The following RASEF variants were observed in gnomAD, a reference collection of about 807,000 sequenced individuals.
RASEF encodes RAS and EF-hand domain containing, also known as ras and EF-hand domain-containing protein.
A neutral mutation model predicts 90.1 loss-of-function variants in RASEF; 68 were observed. That is an observed-to-expected ratio of 0.75 (90% confidence interval 0.62 to 0.92). RASEF has a LOEUF of 0.92. Ranked by LOEUF, RASEF falls within the 40% of genes least tolerant of loss-of-function variation. The pLI is 0.00. For missense variants in RASEF, 949 were observed against 937.2 expected (o/e 1.01, Z -0.16); for synonymous variants, 331 against 345.2 (o/e 0.96, Z 0.46).
Position 83,025,631 on chromosome 9 carries a change from T to G in RASEF, c.578+144A>C, listed in dbSNP as rs564444323. 1.8e-5 allele frequency: 12 copies of G among 669,072 alleles called. No homozygotes were observed. In the East Asian group the frequency reaches 3.5e-4, roughly 20 times the overall value. The allele number at this position is 669,072 out of a possible 1,614,324, so 41.4% of individuals were successfully genotyped here. On this transcript the variant is annotated intron_variant, in intron 2 of 16. Transcript: ENST00000376447. The stretch of plus-strand genomic sequence containing the variant: ...GCTGACCTACTTCTCCATTGCTGGC[T>G]TAATTTTGAAAGCTCTAGACTCCTC...
chr9:83,185,353 CT>C, the RASEF span, among the ~76,000 whole-genome samples: 93 of 143,014 alleles, frequency 6.5e-4, no homozygotes, highest in Admixed American at 1.9e-3. Context: ...TTCTTTCTTT[CT>C]TTTTTTTTTT....
intron 15 of RASEF, among the ~76,000 whole-genome samples, chr9:82,992,631 G>A (rs1026665797): frequency 6.6e-6 from 1 of 152,168 alleles, no homozygotes; most frequent in African/African-American, 2.4e-5. Flanking sequence ...AGAGGGAGGA[G>A]GAAGATGATG....
the RASEF span, among the ~76,000 whole-genome samples, chr9:83,126,023 A>G: frequency 6.6e-6 from 1 of 152,206 alleles, no homozygotes; most frequent in African/African-American, 2.4e-5. Context: ...GTGGAACTGG[A>G]TTTATCCTGG....
intron 1 of RASEF, among the ~76,000 whole-genome samples, chr9:83,059,269 T>TACACAC (rs59546421): frequency 0.054 from 6,949 of 129,026 alleles, 267 homozygotes; most frequent in African/African-American, 0.081. Flanking sequence ...AAATGCTCAA[T>TACACAC]ACACACACAC....
intron 7 of RASEF, among the ~76,000 whole-genome samples, chr9:83,006,815 C>T (rs1302732649): frequency 3.9e-5 from 6 of 152,102 alleles, no homozygotes; most frequent in African/African-American, 9.7e-5. Context: ...GGGTACGGGC[C>T]GGGCGTGGTG....
intron 6 of RASEF, among the ~76,000 whole-genome samples, chr9:83,008,357 AT>A (rs918473383): frequency 4.0e-5 from 6 of 150,684 alleles, no homozygotes; most frequent in East Asian, 2.0e-4. Context: ...AAACTTTTTA[AT>A]TTTTTTTTTA....
chr9:83,210,216 CAG>C, the RASEF span, among the ~76,000 whole-genome samples: 1 of 152,134 alleles, frequency 6.6e-6, no homozygotes, highest in Non-Finnish European at 1.5e-5. Flanking sequence ...CAAGGAAAAT[CAG>C]AGATCATGAC....
chr9:83,066,932 G>A (rs1182929193), upstream of RASEF, among the ~76,000 whole-genome samples: 1 of 152,168 alleles, frequency 6.6e-6, no homozygotes, highest in Admixed American at 6.5e-5. Context: ...AAACATACTT[G>A]AGGAGACCTC....
At chr9:83,133,491 T>C in the RASEF span, among the ~76,000 whole-genome samples, 1 of 151,814 alleles carries the variant, frequency 6.6e-6, no homozygotes, top group East Asian at 1.9e-4. Flanking sequence ...CTCATCTGAT[T>C]CCCAATTAGT....
At chr9:83,158,508 T>C in the RASEF span, among the ~76,000 whole-genome samples, 4 of 150,684 alleles carry the variant, frequency 2.7e-5, no homozygotes, top group South Asian at 2.1e-4. Flanking sequence ...CTAATCAGAA[T>C]AGACATTCAC....
chr9:82,998,591 A>G, intron 12 of RASEF, 145 bp from the exon 13 acceptor site: 1 of 584,132 alleles, frequency 1.7e-6, no homozygotes, highest in Non-Finnish European at 3.1e-6. Context: ...AAGGAGAGTG[A>G]CCTTCAAATA....
At chr9:83,049,124 CAAAA>C (rs1232006240) in intron 1 of RASEF, 78 of 84,978 alleles carry the variant, frequency 9.2e-4, no homozygotes, top group Non-Finnish European at 1.4e-3. Flanking sequence ...ACTCCGTCTC[CAAAA>C]AAAAAAAAAA....
chr9:83,206,913 C>T, the RASEF span, among the ~76,000 whole-genome samples: 1 of 152,146 alleles, frequency 6.6e-6, no homozygotes, highest in Non-Finnish European at 1.5e-5. Context: ...GGCTGCCTTA[C>T]TCCTGCTCCC....
chr9:83,133,118 A>T, the RASEF span, among the ~76,000 whole-genome samples: 75 of 152,302 alleles, frequency 4.9e-4, 1 homozygote, highest in South Asian at 0.015. Flanking sequence ...GAAAAGCTCT[A>T]AGAAAAAAAG....
chr9:83,094,624 T>C, the RASEF span, among the ~76,000 whole-genome samples: 4 of 152,244 alleles, frequency 2.6e-5, no homozygotes, highest in East Asian at 7.7e-4. Context: ...GTACATAATA[T>C]CAAAGAGAGA....
rs573154996 is a variant in RASEF, at chr9:83,002,883, T to C, written c.1202+1615A>G. ...GTACCCCCTGAATCTTAAATAAAAG[T>C]TGAAAATTTTTAAAAGTAAAAATAA... On this transcript the variant is annotated intron_variant, in intron 9 of 16. Coordinates refer to ENST00000376447, the MANE Select transcript of RASEF (RefSeq NM_152573.4). Among the ~76,000 whole-genome samples, 4 of 152,228 alleles carry C rather than the reference T, an allele frequency of 2.6e-5. No homozygotes were observed. The South Asian group carries it at 8.3e-4, about 32-fold the overall frequency.
chr9:83,216,863 C>T, the RASEF span, among the ~76,000 whole-genome samples: 7 of 151,928 alleles, frequency 4.6e-5, no homozygotes, highest in African/African-American at 1.7e-4. Flanking sequence ...AAATTCAATA[C>T]TGTAGTCATT....
At chr9:83,049,477 C>T (rs78687841) in intron 1 of RASEF, among the ~76,000 whole-genome samples, 1,822 of 150,234 alleles carry the variant, frequency 0.012, 41 homozygotes, top group African/African-American at 0.043. Flanking sequence ...TGTCAGTCAC[C>T]TTCAGATTAT....
At chr9:83,052,005 C>CT (rs2117854968) in intron 1 of RASEF, among the ~76,000 whole-genome samples, 1 of 79,738 alleles carries the variant, frequency 1.3e-5, no homozygotes, top group Non-Finnish European at 2.3e-5. Context: ...CTAAAATTCT[C>CT]TTTTTTGGTT....
Sources: gnomAD v4.1 joint callset for allele counts (sites outside exome capture counted in the v4.1 genomes callset) on GRCh38, gnomAD v4.1.1 for gene constraint, MANE v1.5 for transcripts, NCBI Gene and HGNC (gene_info 2026-07-23, HGNC 2026-07-21) for gene names.